Variants in FAM177A1 observed in about 807,000 individuals in gnomAD.
The protein encoded by FAM177A1 is protein FAM177A1.
Under a neutral mutation model 26.1 loss-of-function variants are expected in FAM177A1, and 22 were observed. That is an observed-to-expected ratio of 0.84 (90% CI 0.60 to 1.20). The LOEUF (loss-of-function observed/expected upper bound fraction) is 1.20. FAM177A1 is among the 50% of genes most tolerant of loss of function. FAM177A1 has a pLI of 0.00. For synonymous variants in FAM177A1, 95 were observed against 99.3 expected (o/e 0.96, Z 0.26); for missense variants, 296 against 291.1 (o/e 1.02, Z -0.12).
At chr14:35,079,282 A>C (rs1294096709) in intron 4 of FAM177A1, among the ~76,000 whole-genome samples, 1 of 152,210 alleles carries the variant, frequency 6.6e-6, no homozygotes, top group Non-Finnish European at 1.5e-5. Context: ...CCTTATATAC[A>C]TTATTTAATC....
chr14:35,056,936 G>A (rs1390077840), intron 2 of FAM177A1, among the ~76,000 whole-genome samples: 1 of 151,910 alleles, frequency 6.6e-6, no homozygotes, highest in African/African-American at 2.4e-5. Context: ...GTAATTTTGG[G>A]CATTTACTCT....
chr14:35,048,543 A>G (rs2139054481), intron 1 of FAM177A1, among the ~76,000 whole-genome samples: 1 of 149,446 alleles, frequency 6.7e-6, no homozygotes, highest in East Asian at 1.9e-4. Flanking sequence ...TTTATCATTC[A>G]ATATTATATA....
intron 2 of FAM177A1, among the ~76,000 whole-genome samples, chr14:35,069,355 G>A (rs1261764854): frequency 7.4e-5 from 11 of 148,824 alleles, no homozygotes; most frequent in African/African-American, 2.0e-4. Flanking sequence ...GCGCAATCTC[G>A]GCTCACCATA....
chr14:35,071,694 A>C (rs189543878), intron 2 of FAM177A1, among the ~76,000 whole-genome samples: 23 of 152,320 alleles, frequency 1.5e-4, no homozygotes, highest in African/African-American at 5.5e-4. Context: ...TTTGGTAGTC[A>C]TAGCTTGGAT....
chr14:35,045,744 C>T (rs799475), upstream of FAM177A1, among the ~76,000 whole-genome samples: 34,076 of 152,160 alleles, frequency 0.22, 4,654 homozygotes, highest in Non-Finnish European at 0.31. Flanking sequence ...CTCTAACATA[C>T]GCACACGACT....
chr14:35,059,724 A>G (rs2045120361), intron 2 of FAM177A1, among the ~76,000 whole-genome samples: 1 of 151,420 alleles, frequency 6.6e-6, no homozygotes, highest in Non-Finnish European at 1.5e-5. Flanking sequence ...TAATTTTTGT[A>G]TTTTAGTAGA....
At chr14:35,077,559 T>C (rs889420048) in intron 3 of FAM177A1, among the ~76,000 whole-genome samples, 1 of 140,012 alleles carries the variant, frequency 7.1e-6, no homozygotes, top group Non-Finnish European at 1.5e-5. Context: ...CTTGGCTCAC[T>C]GCAAGCTCCG....
rs562282311 is a variant in FAM177A1, at chr14:35,074,290, G to A, written c.340-2860G>A. Among the ~76,000 whole-genome samples, 18 of 152,118 alleles carry A rather than the reference G, an allele frequency of 1.2e-4. No individual in the cohort carries two copies. The East Asian group carries it at 2.9e-3, about 25-fold the overall frequency. On this transcript the variant is annotated intron_variant, in intron 2 of 4. Transcript: ENST00000280987. ...CTCCTGAGTAGCTGGGATCACAGGC[G>A]TGTGCCACTACAGCCCAGCTAATTT...
chr14:35,070,983 TTTTC>T (rs142474332), intron 2 of FAM177A1, among the ~76,000 whole-genome samples: 37 of 150,394 alleles, frequency 2.5e-4, no homozygotes, highest in Non-Finnish European at 2.4e-4. Context: ...TTGACCTCCA[TTTTC>T]TTTCTTTCTT....
Position 35,077,074 on chromosome 14 carries a change from T to C in FAM177A1, c.340-76T>C. On this transcript the variant is annotated intron_variant, in intron 2 of 4. Coordinates refer to ENST00000280987, the MANE Select transcript of FAM177A1 (RefSeq NM_173607.5). ...AATATTCTCGGTGCCTACCAAGTAT[T>C]TGACTACTTCATTCTGGCCTAAATA... The C allele has an allele frequency of 5.2e-6, 6 of 1,150,234 alleles. 2 individuals carry two copies. The South Asian group carries it at 7.4e-5, about 14-fold the overall frequency. 71.3% of individuals were successfully genotyped at this position (1,150,234 alleles called of 1,614,324 possible). A position where few individuals can be genotyped will look rare whatever the true frequency, so the allele number is the denominator to read the frequency against.
At chr14:35,046,880 T>G in intron 1 of FAM177A1, 1 of 1,305,760 alleles carries the variant, frequency 7.7e-7, no homozygotes, top group Non-Finnish European at 9.7e-7. Flanking sequence ...GGGGTGATAG[T>G]CCAGCTTCTG....
chr14:35,069,944 C>T (rs1016111532), intron 2 of FAM177A1, among the ~76,000 whole-genome samples: 6 of 150,770 alleles, frequency 4.0e-5, no homozygotes, highest in Admixed American at 6.6e-5. Flanking sequence ...GGTGAAACCC[C>T]GTCTCTACTA....
intron 2 of FAM177A1, among the ~76,000 whole-genome samples, chr14:35,071,248 C>T (rs1018984968): frequency 4.0e-5 from 6 of 151,712 alleles, no homozygotes; most frequent in East Asian, 1.9e-4. Context: ...CCACCCTCCT[C>T]GGCCTCCCAA....
intron 2 of FAM177A1, among the ~76,000 whole-genome samples, chr14:35,075,131 A>G (rs1240622116): frequency 6.6e-6 from 1 of 152,240 alleles, no homozygotes; most frequent in Non-Finnish European, 1.5e-5. Context: ...ACAATGAAGC[A>G]TGCCTTTATC....
chr14:35,080,892 A>G, intron 4 of FAM177A1, 130 bp from the exon 5 acceptor site: 1 of 1,329,670 alleles, frequency 7.5e-7, no homozygotes, highest in Non-Finnish European at 9.9e-7. Flanking sequence ...TAATTAGACC[A>G]AACTGATTTG....
intron 1 of FAM177A1, among the ~76,000 whole-genome samples, chr14:35,052,839 T>A (rs2044996017): frequency 6.6e-6 from 1 of 152,118 alleles, no homozygotes; most frequent in South Asian, 2.1e-4. Context: ...GAAGGATCAC[T>A]TGAGGCCAGG....
Position 35,081,452 on chromosome 14 carries a change from T to A in FAM177A1, c.*224T>A. 1 of 374,160 alleles carries A rather than the reference T, an allele frequency of 2.7e-6. No homozygotes were observed. Among genetic ancestry groups the A allele is most frequent in the Non-Finnish European group, 4.6e-6 (1 of 219,006 alleles). 23.2% of individuals were successfully genotyped at this position (374,160 alleles called of 1,614,324 possible). On this transcript the variant is annotated 3_prime_UTR_variant, in exon 5 of 5. Transcript: ENST00000280987. ...TTTACTGTGTATAGAAATTAGTGCT[T>A]TGGTTTTAAAATGATCTTTTAAAAA...
chr14:35,051,780 A>G (rs190548022), intron 1 of FAM177A1, among the ~76,000 whole-genome samples: 17 of 152,312 alleles, frequency 1.1e-4, no homozygotes, highest in Non-Finnish European at 2.2e-4. Flanking sequence ...TTGGGAGGTA[A>G]AAGGCAGAGA....
chr14:35,055,845 A>G (rs139463829), intron 2 of FAM177A1, among the ~76,000 whole-genome samples: 4 of 152,158 alleles, frequency 2.6e-5, no homozygotes, highest in East Asian at 1.9e-4. Context: ...ACTTGTTACT[A>G]TGTGTCTTTT....
Sources: allele counts gnomAD v4.1 joint callset (sites outside exome capture counted in the v4.1 genomes callset), GRCh38; gene constraint gnomAD v4.1.1; transcripts MANE v1.5; gene names NCBI Gene and HGNC (gene_info 2026-07-23, HGNC 2026-07-21).